Variants in KCNIP4 observed in about 807,000 individuals in gnomAD.
The protein encoded by KCNIP4 is potassium voltage-gated channel interacting protein 4, also known as Kv channel-interacting protein 4.
A neutral mutation model predicts 34.0 loss-of-function variants in KCNIP4; 12 were observed. The observed-to-expected ratio is 0.35, with a 90% CI of 0.23 to 0.57. The LOEUF (loss-of-function observed/expected upper bound fraction) is 0.57, where lower values mean the gene tolerates loss of function less well. Among genes scored for constraint, KCNIP4 ranks in the 20% least tolerant of loss-of-function variants. The pLI, the probability that KCNIP4 is intolerant of heterozygous loss-of-function variation, is 0.83. For synonymous variants in KCNIP4, 124 were observed against 102.2 expected (o/e 1.21, Z -1.29); for missense variants, 238 against 311.7 (o/e 0.76, Z 1.78).
rs554612888 is a variant in KCNIP4, at chr4:20,730,216, ATCAACCACC to A, written c.706-96_706-88del. 2.4e-4 allele frequency: 356 copies of A among 1,455,182 alleles called. No individual in the cohort carries two copies. In the East Asian group the frequency reaches 5.6e-3, roughly 23 times the overall value. 90.1% of individuals were successfully genotyped at this position (1,455,182 alleles called of 1,614,324 possible). On this transcript the variant is annotated intron_variant, in intron 8 of 8. Coordinates refer to ENST00000382152, the MANE Select transcript of KCNIP4 (RefSeq NM_025221.6). ...TTGCCCCTGAGTATTGCCTCCTCCC[ATCAACCACC>A]TCAACCACCTATGCCAAAAGCTCAA...
chr4:21,754,756 A>G (rs1717390977), intron 1 of KCNIP4, among the ~76,000 whole-genome samples: 1 of 152,218 alleles, frequency 6.6e-6, no homozygotes, highest in African/African-American at 2.4e-5. Flanking sequence ...CCACTAAACA[A>G]CATATAAAGA....
At chr4:21,538,144 G>T (rs1348237542) in intron 1 of KCNIP4, among the ~76,000 whole-genome samples, 1 of 151,794 alleles carries the variant, frequency 6.6e-6, no homozygotes, top group Non-Finnish European at 1.5e-5. Context: ...GAATGCTAAG[G>T]ATTACCACCA....
chr4:20,991,565 G>C (rs1177629182), intron 1 of KCNIP4, among the ~76,000 whole-genome samples: 1 of 152,130 alleles, frequency 6.6e-6, no homozygotes, highest in Non-Finnish European at 1.5e-5. Context: ...TGGCCAGGGA[G>C]ACGTGATCTA....
At chr4:21,500,003 T>C (rs902386799) in intron 1 of KCNIP4, among the ~76,000 whole-genome samples, 3 of 152,120 alleles carry the variant, frequency 2.0e-5, no homozygotes, top group African/African-American at 7.2e-5. Context: ...ACTAAAAATC[T>C]GCAAGTAGAA....
chr4:21,286,931 T>G (rs2109190490), intron 1 of KCNIP4, among the ~76,000 whole-genome samples: 1 of 152,302 alleles, frequency 6.6e-6, no homozygotes, highest in African/African-American at 2.4e-5. Context: ...GAGAGGAGGC[T>G]ACAAGGAGAC....
intron 3 of KCNIP4, among the ~76,000 whole-genome samples, chr4:20,816,086 T>TA (rs896579633): frequency 1.1e-4 from 16 of 150,234 alleles, no homozygotes; most frequent in Admixed American, 2.0e-4. Context: ...CCGTCTCTAC[T>TA]AAAAAAAAAT....
At chr4:20,906,995 G>A (rs1727836629) in intron 1 of KCNIP4, among the ~76,000 whole-genome samples, 1 of 152,156 alleles carries the variant, frequency 6.6e-6, no homozygotes, top group African/African-American at 2.4e-5. Context: ...GTTTATTGTT[G>A]AATCTTCAGC....
intron 8 of KCNIP4, 52 bp from the exon 9 acceptor site, chr4:20,730,181 G>GTACACTA: frequency 6.4e-7 from 1 of 1,559,634 alleles, no homozygotes; most frequent in Middle Eastern, 1.7e-4. Context: ...GCAAGGAAAA[G>GTACACTA]TACACTATTT....
At chr4:20,999,397 G>A (rs187971299) in intron 1 of KCNIP4, among the ~76,000 whole-genome samples, 8 of 145,740 alleles carry the variant, frequency 5.5e-5, no homozygotes, top group Admixed American at 4.8e-4. Context: ...AAAAAAGAGG[G>A]TTTTTGTTGT....
intron 1 of KCNIP4, among the ~76,000 whole-genome samples, chr4:21,769,104 T>A (rs1427970485): frequency 3.3e-5 from 5 of 151,940 alleles, no homozygotes; most frequent in African/African-American, 1.2e-4. Flanking sequence ...CCTCCAGAAG[T>A]CTATACGAAT....
At chr4:20,803,470 C>CAAAAAAAAAAAAAAAAAA (rs551176038) in intron 3 of KCNIP4, among the ~76,000 whole-genome samples, 1 of 85,902 alleles carries the variant, frequency 1.2e-5, no homozygotes, top group African/African-American at 5.2e-5. Context: ...TCATCTTTAC[C>CAAAAAAAAAAAAAAAAAA]AAAAAAAAAA....
chr4:21,226,806 C>G (rs1758440131), intron 1 of KCNIP4, among the ~76,000 whole-genome samples: 1 of 152,124 alleles, frequency 6.6e-6, no homozygotes, highest in African/African-American at 2.4e-5. Flanking sequence ...CAGGGTTTCA[C>G]AGACAAAACA....
intron 1 of KCNIP4, among the ~76,000 whole-genome samples, chr4:21,011,665 C>T (rs968018772): frequency 6.6e-6 from 1 of 152,200 alleles, no homozygotes; most frequent in African/African-American, 2.4e-5. Context: ...AAAGCTTATA[C>T]TTGCTTTATC....
At chr4:21,006,764 G>A (rs943845276) in intron 1 of KCNIP4, among the ~76,000 whole-genome samples, 2 of 152,174 alleles carry the variant, frequency 1.3e-5, no homozygotes, top group African/African-American at 2.4e-5. Context: ...TGGGAGATGT[G>A]TCTGTGTCAT....
chr4:20,847,618 A>G (rs1010920505), intron 3 of KCNIP4, among the ~76,000 whole-genome samples: 6 of 152,130 alleles, frequency 3.9e-5, no homozygotes, highest in Non-Finnish European at 7.4e-5. Context: ...TGTGTGAGGG[A>G]GGAGATATTT....
chr4:20,984,038 G>A, intron 1 of KCNIP4: 2 of 1,475,074 alleles, frequency 1.4e-6, no homozygotes, highest in South Asian at 2.7e-5. Flanking sequence ...GGGAAAAAGT[G>A]AGCAGCTCCT....
chr4:20,960,190 C>T (rs1733713394), intron 1 of KCNIP4, among the ~76,000 whole-genome samples: 1 of 152,108 alleles, frequency 6.6e-6, no homozygotes, highest in South Asian at 2.1e-4. Context: ...TTGAATGCCC[C>T]CTTGTCCCAA....
chr4:20,994,193 T>A (rs543903771), intron 1 of KCNIP4, among the ~76,000 whole-genome samples: 1 of 152,328 alleles, frequency 6.6e-6, no homozygotes, highest in Admixed American at 6.5e-5. Context: ...ATTCCTGGGT[T>A]TAGGATATGG....
At chr4:21,011,384 A>G (rs1247258797) in intron 1 of KCNIP4, among the ~76,000 whole-genome samples, 1 of 152,180 alleles carries the variant, frequency 6.6e-6, no homozygotes, top group Non-Finnish European at 1.5e-5. Context: ...TTGTTCTGAA[A>G]GTCTTTGAAG....
Sources: allele counts gnomAD v4.1 joint callset (sites outside exome capture counted in the v4.1 genomes callset), GRCh38; gene constraint gnomAD v4.1.1; transcripts MANE v1.5; gene names NCBI Gene and HGNC (gene_info 2026-07-23, HGNC 2026-07-21).